The following CASQ2 variants were observed in gnomAD, a reference collection of about 807,000 sequenced individuals.
CASQ2 encodes calsequestrin-2.
A neutral mutation model predicts 46.5 loss-of-function variants in CASQ2; 49 were observed. The observed-to-expected ratio is 1.05, with a 90% CI of 0.84 to 1.34. The LOEUF (loss-of-function observed/expected upper bound fraction) is 1.34, where lower values mean the gene tolerates loss of function less well. Ranked by LOEUF, CASQ2 falls within the 40% of genes most tolerant of loss-of-function variation. The pLI is 0.00. For missense variants in CASQ2, 486 were observed against 481.3 expected, an observed-to-expected ratio of 1.01 and a Z score of -0.09; for synonymous variants, 174 against 168.5, an observed-to-expected ratio of 1.03 and a Z score of -0.25.
In CASQ2 at chr1:115,757,124, A is replaced by G. The variant is rs150655836; in HGVS notation, c.234+11184T>C. Among the ~76,000 whole-genome samples the G allele has an allele frequency of 4.1e-4, 63 of 152,314 alleles. 1 individual carries two copies. In the East Asian group the frequency reaches 0.011, roughly 27 times the overall value. ...CTTCTGAATCAACCATGTATTTTCC[A>G]GTTCGTGAAACCTTTATTTCCTTAT... On this transcript the variant is annotated intron_variant, in intron 1 of 10. Transcript: ENST00000261448.
intron 5 of CASQ2, among the ~76,000 whole-genome samples, chr1:115,728,969 A>G (rs1174929858): frequency 2.0e-5 from 3 of 148,226 alleles, no homozygotes; most frequent in Non-Finnish European, 4.4e-5. Context: ...GGATCTCTTC[A>G]CTGTCTACCT....
intron 8 of CASQ2, among the ~76,000 whole-genome samples, chr1:115,706,607 G>T (rs1228907895): frequency 6.6e-6 from 1 of 152,214 alleles, no homozygotes; most frequent in African/African-American, 2.4e-5. Flanking sequence ...TTTAGGTTCA[G>T]TTCTAAATAA....
At chr1:115,704,167 A>T (rs1213440949) in intron 9 of CASQ2, among the ~76,000 whole-genome samples, 1 of 152,142 alleles carries the variant, frequency 6.6e-6, no homozygotes, top group Non-Finnish European at 1.5e-5. Flanking sequence ...GACCCTTGAG[A>T]TCCCTCTCAA....
chr1:115,739,424 A>G (rs576691886), intron 3 of CASQ2, among the ~76,000 whole-genome samples: 1 of 151,782 alleles, frequency 6.6e-6, no homozygotes, highest in South Asian at 2.1e-4. Flanking sequence ...CATGTACCAC[A>G]TTTTTTTTAA....
intron 8 of CASQ2, among the ~76,000 whole-genome samples, chr1:115,714,234 T>TAAGTA (rs1654632915): frequency 6.6e-6 from 1 of 152,172 alleles, no homozygotes; most frequent in Admixed American, 6.5e-5. Flanking sequence ...TGTGTACATA[T>TAAGTA]AAGTACACAG....
At chr1:115,708,642 T>A (rs948227113) in intron 8 of CASQ2, among the ~76,000 whole-genome samples, 2 of 152,230 alleles carry the variant, frequency 1.3e-5, no homozygotes, top group Non-Finnish European at 2.9e-5. Flanking sequence ...CTGAAGCACT[T>A]GGACAGTGCC....
intron 8 of CASQ2, among the ~76,000 whole-genome samples, chr1:115,714,056 C>A (rs1215290908): frequency 6.6e-6 from 1 of 152,170 alleles, no homozygotes; most frequent in African/African-American, 2.4e-5. Flanking sequence ...GAGTTGCTAA[C>A]CTGACGACTT....
At chr1:115,721,768 G>A (rs536457707) in intron 7 of CASQ2, among the ~76,000 whole-genome samples, 3 of 152,096 alleles carry the variant, frequency 2.0e-5, no homozygotes, top group East Asian at 3.9e-4. Context: ...ATGGAGTTTC[G>A]CTATGTTGCC....
At chr1:115,766,052 A>G (rs1166600194) in intron 1 of CASQ2, among the ~76,000 whole-genome samples, 1 of 152,088 alleles carries the variant, frequency 6.6e-6, no homozygotes, top group African/African-American at 2.4e-5. Flanking sequence ...CCCTTCCTCA[A>G]CCTTCACTAA....
intron 1 of CASQ2, among the ~76,000 whole-genome samples, chr1:115,753,077 C>T (rs1415806743): frequency 6.6e-6 from 1 of 152,172 alleles, no homozygotes; most frequent in Non-Finnish European, 1.5e-5. Flanking sequence ...ACAGTGATGG[C>T]AGGAGGGCAT....
chr1:115,721,565 A>C (rs1647376799), intron 7 of CASQ2, among the ~76,000 whole-genome samples: 1 of 152,010 alleles, frequency 6.6e-6, no homozygotes, highest in Non-Finnish European at 1.5e-5. Flanking sequence ...TGGATGTTGA[A>C]GATAAAGACC....
intron 5 of CASQ2, among the ~76,000 whole-genome samples, chr1:115,730,108 C>T (rs983498588): frequency 2.0e-5 from 3 of 152,188 alleles, no homozygotes; most frequent in African/African-American, 7.2e-5. Flanking sequence ...TGGTCCTAAA[C>T]CTCCACACCC....
intron 2 of CASQ2, among the ~76,000 whole-genome samples, chr1:115,742,716 A>T (rs573033892): frequency 6.6e-6 from 1 of 152,352 alleles, no homozygotes; most frequent in Non-Finnish European, 1.5e-5. Flanking sequence ...ACCAATGGGA[A>T]GGCAGAAGAA....
chr1:115,701,199 G>A lies in CASQ2; in HGVS notation c.*42C>T. 6.2e-7 allele frequency: 1 copy of A among 1,613,034 alleles called. No homozygotes were observed. On this transcript the variant is annotated 3_prime_UTR_variant, in exon 11 of 11. Transcript: ENST00000261448. ...ACCTTGTGCTGTCTGTATGGTAGTGGGTGCTGTGATTTTGTTTTCATCAGA... is the reference window on the plus strand; with the variant it reads ...ACCTTGTGCTGTCTGTATGGTAGTGAGTGCTGTGATTTTGTTTTCATCAGA...
At chr1:115,738,401 G>A in intron 3 of CASQ2, 66 bp from the exon 4 acceptor site, 2 of 1,005,544 alleles carry the variant, frequency 2.0e-6, no homozygotes, top group Non-Finnish European at 3.2e-6. Context: ...TGGGGAAACA[G>A]AGTGCATTGG....
intron 2 of CASQ2, among the ~76,000 whole-genome samples, chr1:115,742,020 CA>C (rs2101096977): frequency 6.6e-6 from 1 of 152,168 alleles, no homozygotes; most frequent in East Asian, 1.9e-4. Flanking sequence ...ATTTGTAAAT[CA>C]AAAGGAGCAA....
chr1:115,707,139 C>T (rs948771348), intron 8 of CASQ2, among the ~76,000 whole-genome samples: 6 of 152,024 alleles, frequency 3.9e-5, no homozygotes, highest in African/African-American at 2.4e-5. Flanking sequence ...GTGTCAGCCT[C>T]ACAAGTAGCT....
chr1:115,765,505 A>T (rs1649104839), intron 1 of CASQ2, among the ~76,000 whole-genome samples: 1 of 152,182 alleles, frequency 6.6e-6, no homozygotes, highest in African/African-American at 2.4e-5. Context: ...CAGCCTGGGG[A>T]TGGCAACTCC....
intron 8 of CASQ2, among the ~76,000 whole-genome samples, chr1:115,706,052 C>T (rs1654348968): frequency 6.6e-6 from 1 of 152,094 alleles, no homozygotes; most frequent in South Asian, 2.1e-4. Context: ...TACTCTCAAC[C>T]CTCAGCACCA....
Sources: allele counts gnomAD v4.1 joint callset (sites outside exome capture counted in the v4.1 genomes callset), GRCh38; gene constraint gnomAD v4.1.1; transcripts MANE v1.5; gene names NCBI Gene and HGNC (gene_info 2026-07-23, HGNC 2026-07-21).